SWT1: variants seen among roughly 807,000 people sequenced by gnomAD.
The protein encoded by SWT1 is transcriptional protein SWT1.
SWT1 carries 33 observed loss-of-function variants against 107.3 expected under a neutral mutation model. That is an observed-to-expected ratio of 0.31 (90% CI 0.23 to 0.41). The LOEUF (loss-of-function observed/expected upper bound fraction) is 0.41, where lower values mean the gene tolerates loss of function less well. Among genes scored for constraint, SWT1 ranks in the 10% least tolerant of loss-of-function variants. SWT1 has a pLI of 1.00. For missense variants in SWT1, 898 were observed against 1,028.9 expected (o/e 0.87, Z 1.74); for synonymous variants, 345 against 348.3 (o/e 0.99, Z 0.11).
intron 18 of SWT1, among the ~76,000 whole-genome samples, chr1:185,278,239 A>G (rs945927764): frequency 6.6e-6 from 1 of 152,050 alleles, no homozygotes; most frequent in African/African-American, 2.4e-5. Context: ...ATATGATAGT[A>G]TCAGAAGATG....
intron 16 of SWT1, among the ~76,000 whole-genome samples, chr1:185,256,941 A>G (rs529870253): frequency 1.4e-4 from 21 of 151,944 alleles, no homozygotes; most frequent in South Asian, 2.1e-4. Flanking sequence ...GATGATGGTG[A>G]TGTACAGATG....
chr1:185,202,207 G>A (rs547967349), intron 10 of SWT1, among the ~76,000 whole-genome samples: 1 of 152,176 alleles, frequency 6.6e-6, no homozygotes, highest in South Asian at 2.1e-4. Context: ...GCAAGTTTGT[G>A]CTATTTGTCT....
chr1:185,272,350 A>G (rs1663932399), intron 17 of SWT1, among the ~76,000 whole-genome samples: 1 of 152,186 alleles, frequency 6.6e-6, no homozygotes, highest in African/African-American at 2.4e-5. Context: ...ATTACTTTCA[A>G]TTTTGTGTGT....
chr1:185,274,325 T>C (rs994031746), intron 17 of SWT1, among the ~76,000 whole-genome samples: 3 of 148,412 alleles, frequency 2.0e-5, no homozygotes, highest in African/African-American at 7.4e-5. Context: ...ATATATTATA[T>C]ATAGATGTCA....
At chr1:185,230,401 C>G (rs967093886) in intron 15 of SWT1, among the ~76,000 whole-genome samples, 1 of 152,178 alleles carries the variant, frequency 6.6e-6, no homozygotes, top group Non-Finnish European at 1.5e-5. Flanking sequence ...TCATGTCTTT[C>G]TCTTTTCTTC....
At chr1:185,206,017 C>T (rs945068483) in intron 12 of SWT1, among the ~76,000 whole-genome samples, 8 of 151,568 alleles carry the variant, frequency 5.3e-5, no homozygotes, top group African/African-American at 1.2e-4. Flanking sequence ...GGAGTGCAGT[C>T]GCGTGATCTC....
intron 4 of SWT1, among the ~76,000 whole-genome samples, chr1:185,172,537 T>C (rs1039540814): frequency 4.6e-5 from 7 of 152,240 alleles, no homozygotes; most frequent in Non-Finnish European, 8.8e-5. Flanking sequence ...TTTAATATTT[T>C]TTTCATGTGT....
At position 185,160,902 on chromosome 1, in the gene SWT1, T is replaced by C; in HGVS notation, c.61T>C (p.Ser21Pro). Residue 21 changes from serine to proline, a missense_variant, in exon 2 of 19, where the codon TCA becomes CCA. Transcript: ENST00000367500. Reference protein sequence around the residue: ...ETSQRKDTTTSSPNFGEKDKK... With the variant: ...ETSQRKDTTTPSPNFGEKDKK... Reference sequence around the variant, plus strand: ...ATCTCAGAGGAAAGACACCACCACCTCATCACCCAATTTTGGTGAAAAAGT... The same window carrying C: ...ATCTCAGAGGAAAGACACCACCACCCCATCACCCAATTTTGGTGAAAAAGT... 1.9e-6 allele frequency: 3 copies of C among 1,612,598 alleles called. No individual in the cohort carries two copies. The highest frequency in any genetic ancestry group is 2.5e-6 in the Non-Finnish European group (3 of 1,179,298).
chr1:185,229,507 T>C (rs943803157), intron 15 of SWT1, among the ~76,000 whole-genome samples: 48 of 151,840 alleles, frequency 3.2e-4, no homozygotes, highest in Non-Finnish European at 6.5e-4. Flanking sequence ...ATATAAAAAT[T>C]ATAATGGAAG....
chr1:185,206,218 A>G (rs1367629293), intron 12 of SWT1, among the ~76,000 whole-genome samples: 5 of 152,098 alleles, frequency 3.3e-5, no homozygotes, highest in Non-Finnish European at 4.4e-5. Flanking sequence ...CGGCCTCCCA[A>G]AGAGATAGGA....
Position 185,244,531 on chromosome 1 carries a change from A to G in SWT1, c.2441+12823A>G, listed in dbSNP as rs565804304. Among the ~76,000 whole-genome samples the G allele has an allele frequency of 1.5e-4, 23 of 152,318 alleles. No homozygotes were observed. In the East Asian group the frequency reaches 4.0e-3, roughly 27 times the overall value. On this transcript the variant is annotated intron_variant, in intron 16 of 18. Coordinates refer to ENST00000367500, the MANE Select transcript of SWT1 (RefSeq NM_017673.7). ...TTGTATAGAACACTTACCACAATGT[A>G]GCTTGCAGGAGTGGAAGTGCTCTGG...
At chr1:185,282,399 A>G (rs1664688205) in intron 18 of SWT1, among the ~76,000 whole-genome samples, 1 of 151,456 alleles carries the variant, frequency 6.6e-6, no homozygotes, top group Admixed American at 6.6e-5. Flanking sequence ...TCCCTGAACT[A>G]CCAGGTTCAG....
At chr1:185,276,557 C>A in intron 17 of SWT1, 47 bp from the exon 18 acceptor site, 2 of 1,163,290 alleles carry the variant, frequency 1.7e-6, no homozygotes, top group South Asian at 1.5e-5. Flanking sequence ...GCTGTCATCA[C>A]TCACTTTAAT....
At chr1:185,276,186 GA>G (rs1451826271) in intron 17 of SWT1, among the ~76,000 whole-genome samples, 1 of 151,974 alleles carries the variant, frequency 6.6e-6, no homozygotes, top group Non-Finnish European at 1.5e-5. Context: ...TTATATCTCT[GA>G]TATAGATATT....
intron 1 of SWT1, among the ~76,000 whole-genome samples, chr1:185,158,235 T>TC (rs1653804756): frequency 6.6e-6 from 1 of 152,052 alleles, no homozygotes; most frequent in African/African-American, 2.4e-5. Context: ...AATTAACTCC[T>TC]CCCCCTATAG....
intron 16 of SWT1, among the ~76,000 whole-genome samples, chr1:185,239,065 A>G (rs1011128782): frequency 1.6e-4 from 25 of 152,098 alleles, no homozygotes; most frequent in African/African-American, 4.6e-4. Context: ...AGTAGATCAT[A>G]TATAGTGTTA....
chr1:185,194,071 A>G (rs1657186007), intron 10 of SWT1, among the ~76,000 whole-genome samples: 1 of 152,190 alleles, frequency 6.6e-6, no homozygotes, highest in Non-Finnish European at 1.5e-5. Flanking sequence ...TCCTGGTTCT[A>G]AAGTCTTCTT....
chr1:185,162,246 T>G (rs1248810991), intron 2 of SWT1, among the ~76,000 whole-genome samples: 1 of 152,228 alleles, frequency 6.6e-6, no homozygotes, highest in African/African-American at 2.4e-5. Flanking sequence ...GACTTTTTCT[T>G]TCCGTAACTC....
intron 14 of SWT1, among the ~76,000 whole-genome samples, chr1:185,219,638 A>T (rs914372079): frequency 2.6e-5 from 4 of 152,196 alleles, no homozygotes; most frequent in African/African-American, 9.7e-5. Flanking sequence ...TTAAACTTAT[A>T]GTTAAAATTT....
Sources: gnomAD v4.1 joint callset for allele counts (sites outside exome capture counted in the v4.1 genomes callset) on GRCh38, gnomAD v4.1.1 for gene constraint, MANE v1.5 for transcripts, NCBI Gene and HGNC (gene_info 2026-07-23, HGNC 2026-07-21) for gene names.